Variants in PCDH7 observed in about 807,000 individuals in gnomAD.
PCDH7 encodes the protein protocadherin-7.
A neutral mutation model predicts 58.9 loss-of-function variants in PCDH7; 17 were observed. That is an observed-to-expected ratio of 0.29 (90% CI 0.20 to 0.43). The LOEUF is 0.43. PCDH7 is among the 20% of genes least tolerant of loss of function. The pLI, the probability that PCDH7 is intolerant of heterozygous loss-of-function variation, is 1.00. For missense variants in PCDH7, 1,274 were observed against 1,441.0 expected (o/e 0.88, Z 1.88); for synonymous variants, 664 against 616.4 (o/e 1.08, Z -1.14).
At chr4:31,037,382 T>C (rs1430054016) in intron 3 of PCDH7, among the ~76,000 whole-genome samples, 1 of 152,186 alleles carries the variant, frequency 6.6e-6, no homozygotes, top group East Asian at 1.9e-4. Flanking sequence ...CTTGCTAATA[T>C]TGCCATTATT....
intron 1 of PCDH7, among the ~76,000 whole-genome samples, chr4:30,895,565 T>C (rs993513666): frequency 5.3e-5 from 8 of 152,174 alleles, no homozygotes; most frequent in African/African-American, 1.9e-4. Flanking sequence ...CTACCACCAG[T>C]GCATGCAGAG....
intron 3 of PCDH7, among the ~76,000 whole-genome samples, chr4:31,060,953 G>A (rs761346261): frequency 2.4e-4 from 37 of 151,630 alleles, no homozygotes; most frequent in Non-Finnish European, 3.4e-4. Context: ...AAAACAAGAT[G>A]GGTTGTTAAG....
intron 3 of PCDH7, among the ~76,000 whole-genome samples, chr4:31,134,598 A>C (rs750487501): frequency 6.6e-6 from 1 of 152,230 alleles, no homozygotes; most frequent in African/African-American, 2.4e-5. Flanking sequence ...TGCTTTGTCA[A>C]TGAACTATTT....
intron 3 of PCDH7, among the ~76,000 whole-genome samples, chr4:31,095,186 G>C (rs1044028920): frequency 1.3e-5 from 2 of 151,798 alleles, no homozygotes; most frequent in Admixed American, 1.3e-4. Context: ...TTTTATTTTA[G>C]GTTGTTAATG....
At chr4:30,892,381 CTGA>C (rs1738736136) in intron 1 of PCDH7, among the ~76,000 whole-genome samples, 1 of 151,870 alleles carries the variant, frequency 6.6e-6, no homozygotes, top group South Asian at 2.1e-4. Flanking sequence ...ATTCTCTAAA[CTGA>C]ATATTGGTGT....
intron 1 of PCDH7, among the ~76,000 whole-genome samples, chr4:30,815,353 G>T (rs1383128935): frequency 6.6e-6 from 1 of 151,976 alleles, no homozygotes; most frequent in Non-Finnish European, 1.5e-5. Flanking sequence ...GAGCAAGAAT[G>T]AGCATTTATT....
chr4:31,071,449 C>A (rs1758535475), intron 3 of PCDH7, among the ~76,000 whole-genome samples: 1 of 151,926 alleles, frequency 6.6e-6, no homozygotes, highest in Non-Finnish European at 1.5e-5. Context: ...GAGGGGGCAG[C>A]CTTTCATAAA....
intron 3 of PCDH7, among the ~76,000 whole-genome samples, chr4:31,055,782 A>T (rs1757115882): frequency 6.6e-6 from 1 of 151,708 alleles, no homozygotes; most frequent in Non-Finnish European, 1.5e-5. Flanking sequence ...TCGCCATGTT[A>T]GCCAGGCTGG....
At chr4:31,138,370 CTG>C (rs1263082638) in intron 3 of PCDH7, among the ~76,000 whole-genome samples, 1 of 152,152 alleles carries the variant, frequency 6.6e-6, no homozygotes, top group African/African-American at 2.4e-5. Context: ...ATTTGTGACT[CTG>C]TGACATCTAT....
At chr4:30,816,725 G>A (rs1406161893) in intron 1 of PCDH7, among the ~76,000 whole-genome samples, 5 of 152,012 alleles carry the variant, frequency 3.3e-5, no homozygotes, top group Non-Finnish European at 7.4e-5. Context: ...TTTTCAAGAT[G>A]TTTTCTATAG....
intron 1 of PCDH7, among the ~76,000 whole-genome samples, chr4:30,789,546 T>TC (rs1278238023): frequency 6.6e-6 from 1 of 152,190 alleles, no homozygotes; most frequent in Non-Finnish European, 1.5e-5. Flanking sequence ...CTGCTACTAC[T>TC]CCAACTGTGA....
intron 1 of PCDH7, among the ~76,000 whole-genome samples, chr4:30,738,702 C>T (rs887904115): frequency 6.6e-5 from 10 of 152,026 alleles, no homozygotes; most frequent in Non-Finnish European, 1.3e-4. Context: ...TTTTTAATGG[C>T]AATATTCATA....
At chr4:31,017,092 G>A (rs1362543937) in intron 3 of PCDH7, among the ~76,000 whole-genome samples, 1 of 152,134 alleles carries the variant, frequency 6.6e-6, no homozygotes, top group Non-Finnish European at 1.5e-5. Context: ...CGTTAGCAAT[G>A]TTGCCAGTGG....
chr4:30,847,313 A>G (rs1732108224), intron 1 of PCDH7, among the ~76,000 whole-genome samples: 1 of 152,152 alleles, frequency 6.6e-6, no homozygotes, highest in Non-Finnish European at 1.5e-5. Context: ...CACTATGAGT[A>G]GTGTTAGCTT....
intron 3 of PCDH7, among the ~76,000 whole-genome samples, chr4:31,010,842 A>G (rs946095923): frequency 2.0e-5 from 3 of 151,932 alleles, no homozygotes; most frequent in Non-Finnish European, 4.4e-5. Context: ...TTTAAGCCTC[A>G]TTTTTTCTCA....
At chr4:30,738,865 G>T (rs1448446299) in intron 1 of PCDH7, among the ~76,000 whole-genome samples, 2 of 151,802 alleles carry the variant, frequency 1.3e-5, no homozygotes, top group East Asian at 3.9e-4. Context: ...TGGCATAATT[G>T]GTCTGACATA....
chr4:30,823,009 G>A (rs760587487), intron 1 of PCDH7, among the ~76,000 whole-genome samples: 42 of 152,306 alleles, frequency 2.8e-4, no homozygotes, highest in Non-Finnish European at 5.4e-4. Context: ...CCCAGATGCA[G>A]AGGCAGTTGA....
At chr4:30,923,890 T>TGGAAA (rs1162491077) in intron 2 of PCDH7, among the ~76,000 whole-genome samples, 1 of 152,130 alleles carries the variant, frequency 6.6e-6, no homozygotes, top group African/African-American at 2.4e-5. Context: ...CATATAGAGT[T>TGGAAA]TATGGGGGAA....
intron 1 of PCDH7, among the ~76,000 whole-genome samples, chr4:30,783,809 A>C (rs940063796): frequency 1.2e-4 from 19 of 152,148 alleles, no homozygotes; most frequent in Non-Finnish European, 5.9e-5. Context: ...TGAACATTTT[A>C]CTGATTTTTT....
Sources: allele counts gnomAD v4.1 joint callset (sites outside exome capture counted in the v4.1 genomes callset), GRCh38; gene constraint gnomAD v4.1.1; transcripts MANE v1.5; gene names NCBI Gene and HGNC (gene_info 2026-07-23, HGNC 2026-07-21).